HDAC9: variants seen among roughly 807,000 people sequenced by gnomAD.
HDAC9 encodes the protein MEF-2 interacting transcription repressor (MITR) protein.
In HDAC9, 41 loss-of-function variants were observed where a neutral mutation model predicts 139.4. That is an observed-to-expected ratio of 0.29 (90% confidence interval 0.23 to 0.38). HDAC9 has a LOEUF of 0.38. Ranked by LOEUF, HDAC9 falls within the 10% of genes least tolerant of loss-of-function variation. HDAC9 has a pLI of 1.00. For synonymous variants in HDAC9, 517 were observed against 476.2 expected, an observed-to-expected ratio of 1.09 and a Z score of -1.12; for missense variants, 1,147 against 1,297.0, an observed-to-expected ratio of 0.88 and a Z score of 1.78.
chr7:18,639,588 G>T (rs757218753), intron 8 of HDAC9, among the ~76,000 whole-genome samples: 10 of 151,872 alleles, frequency 6.6e-5, no homozygotes, highest in Admixed American at 3.3e-4. Context: ...TTAATTACGT[G>T]GAGATTTTAA....
intron 21 of HDAC9, among the ~76,000 whole-genome samples, chr7:18,873,503 G>T (rs1048404931): frequency 1.3e-5 from 2 of 151,956 alleles, no homozygotes; most frequent in East Asian, 1.9e-4. Context: ...AAATTCATAC[G>T]TAATCATTGT....
chr7:18,310,016 G>C (rs1336901604), intron 1 of HDAC9, among the ~76,000 whole-genome samples: 1 of 152,094 alleles, frequency 6.6e-6, no homozygotes, highest in Non-Finnish European at 1.5e-5. Context: ...TTCTGGTTCA[G>C]ACACTGGTGC....
At chr7:18,759,457 A>G (rs1015937635) in intron 14 of HDAC9, among the ~76,000 whole-genome samples, 1 of 151,992 alleles carries the variant, frequency 6.6e-6, no homozygotes, top group Non-Finnish European at 1.5e-5. Context: ...TGAGGATCAA[A>G]TGTCTGACGA....
chr7:18,390,764 A>G (rs1378901832), intron 1 of HDAC9, among the ~76,000 whole-genome samples: 1 of 152,236 alleles, frequency 6.6e-6, no homozygotes, highest in Admixed American at 6.5e-5. Flanking sequence ...CTTCTCTGTG[A>G]AACAATAAGC....
chr7:18,557,677 C>T (rs1461102747), intron 2 of HDAC9, among the ~76,000 whole-genome samples: 2 of 148,060 alleles, frequency 1.4e-5, no homozygotes, highest in African/African-American at 2.5e-5. Context: ...TTATAAATTA[C>T]TTTTATAATT....
At chr7:18,636,782 A>G (rs1242042358) in intron 8 of HDAC9, among the ~76,000 whole-genome samples, 1 of 152,096 alleles carries the variant, frequency 6.6e-6, no homozygotes, top group Non-Finnish European at 1.5e-5. Flanking sequence ...TTAGTTGTAG[A>G]TAGCATCTTT....
At chr7:18,324,632 C>A (rs1463472812) in intron 1 of HDAC9, among the ~76,000 whole-genome samples, 1 of 152,070 alleles carries the variant, frequency 6.6e-6, no homozygotes, top group Non-Finnish European at 1.5e-5. Flanking sequence ...AATTGCAATG[C>A]CTCACTCAGG....
At position 18,245,127 on chromosome 7, in the gene HDAC9, T is replaced by C. The variant is rs938087445; in HGVS notation, c.25+82778T>C. Among the ~76,000 whole-genome samples, 78 of 152,298 alleles carry C rather than the reference T, an allele frequency of 5.1e-4. 1 individual carries two copies. Among genetic ancestry groups the C allele is most frequent in the Non-Finnish European group, 5.3e-4 (36 of 68,022 alleles). ...TTCTCCTGGGCTCCTTGCTTAGGCATGTGGGGCCAATTTGATTTGGATGAC... is the reference window on the plus strand; with the variant it reads ...TTCTCCTGGGCTCCTTGCTTAGGCACGTGGGGCCAATTTGATTTGGATGAC... On this transcript the variant is annotated intron_variant, in intron 2 of 12. Transcript: ENST00000417496.
intron 8 of HDAC9, among the ~76,000 whole-genome samples, chr7:18,639,484 G>A (rs910340477): frequency 6.6e-6 from 1 of 151,554 alleles, no homozygotes; most frequent in African/African-American, 2.4e-5. Context: ...TTGTTTTTTG[G>A]TCTCACAATA....
intron 2 of HDAC9, among the ~76,000 whole-genome samples, chr7:18,224,781 G>T (rs936874639): frequency 2.6e-5 from 4 of 152,090 alleles, no homozygotes; most frequent in Non-Finnish European, 5.9e-5. Context: ...AAAGAAATAT[G>T]AGGATGTAAA....
Position 18,318,963 on chromosome 7 carries a change from A to T in HDAC9, c.-42+28448A>T, listed in dbSNP as rs531586768. Among the ~76,000 whole-genome samples, 4 of 152,326 alleles carry T rather than the reference A, an allele frequency of 2.6e-5. No individual in the cohort carries two copies. The East Asian group carries it at 7.7e-4, about 29-fold the overall frequency. ...AGCAGATAGATCCAAGAAATGCAGT[A>T]TCTCAGGCCCATTCCAGACCTCCTC... On this transcript the variant is annotated intron_variant, in intron 1 of 3. Coordinates refer to the HDAC9 transcript ENST00000413509.
intron 2 of HDAC9, among the ~76,000 whole-genome samples, chr7:18,215,768 C>T (rs1792264667): frequency 6.6e-6 from 1 of 152,088 alleles, no homozygotes; most frequent in African/African-American, 2.4e-5. Context: ...TCTTTCTTGC[C>T]TTGGTCTTCC....
At chr7:18,214,355 C>CT (rs1183841975) in intron 2 of HDAC9, among the ~76,000 whole-genome samples, 1 of 152,040 alleles carries the variant, frequency 6.6e-6, no homozygotes, top group Non-Finnish European at 1.5e-5. Flanking sequence ...ACTAGGGCTG[C>CT]TTTTTCAGAG....
chr7:18,662,933 A>G (rs776445653), intron 11 of HDAC9, among the ~76,000 whole-genome samples: 25 of 152,048 alleles, frequency 1.6e-4, no homozygotes, highest in Admixed American at 7.2e-4. Flanking sequence ...GAGATTTAGT[A>G]TTGACCAAGG....
At chr7:18,740,317 A>C (rs1787333956) in intron 13 of HDAC9, among the ~76,000 whole-genome samples, 1 of 152,160 alleles carries the variant, frequency 6.6e-6, no homozygotes, top group Non-Finnish European at 1.5e-5. Flanking sequence ...CAGGTACCTC[A>C]GTTGGAAATG....
rs1270439808 is a variant in HDAC9 at position 18,330,920 on chromosome 7, C to T, written c.-42+40405C>T. Among the ~76,000 whole-genome samples, 3 of 151,612 alleles carry T rather than the reference C, an allele frequency of 2.0e-5. No individual in the cohort carries two copies. The East Asian group carries it at 5.8e-4, about 29-fold the overall frequency. On this transcript the variant is annotated intron_variant, in intron 1 of 3. Coordinates refer to the HDAC9 transcript ENST00000413509. The stretch of plus-strand genomic sequence containing the variant: ...TTGTGGCATCCTGGTTTTACTAACA[C>T]AAGGCAAATAACCCTGAGGAGAATC...
intron 1 of HDAC9, among the ~76,000 whole-genome samples, chr7:18,146,865 A>G (rs1362358360): frequency 3.9e-5 from 6 of 152,174 alleles, no homozygotes; most frequent in African/African-American, 1.4e-4. Flanking sequence ...TCCTCTCATA[A>G]TGCCCTGGGG....
At chr7:18,489,196 A>G (rs773774785) in intron 1 of HDAC9, among the ~76,000 whole-genome samples, 1 of 152,080 alleles carries the variant, frequency 6.6e-6, no homozygotes, top group Non-Finnish European at 1.5e-5. Context: ...CTCTGGTAAT[A>G]CAGGAGAAAG....
At chr7:18,564,812 C>G (rs948322350) in intron 2 of HDAC9, among the ~76,000 whole-genome samples, 1 of 151,946 alleles carries the variant, frequency 6.6e-6, no homozygotes, top group Non-Finnish European at 1.5e-5. Flanking sequence ...GAAGCAATGT[C>G]TTTAGAATGT....
Sources: allele counts gnomAD v4.1 joint callset (sites outside exome capture counted in the v4.1 genomes callset), GRCh38; gene constraint gnomAD v4.1.1; transcripts MANE v1.5; gene names NCBI Gene and HGNC (gene_info 2026-07-23, HGNC 2026-07-21).